The following GRID2 variants were observed in gnomAD, a reference collection of about 807,000 sequenced individuals.
GRID2 encodes the protein glutamate ionotropic receptor delta type subunit 2, also known as glutamate receptor ionotropic, delta-2.
In GRID2, 33 loss-of-function variants were observed where a neutral mutation model predicts 114.8. The ratio of observed to expected loss-of-function variants is 0.29; its 90% CI spans 0.22 to 0.38. The LOEUF is 0.38. Among genes scored for constraint, GRID2 ranks in the 10% least tolerant of loss-of-function variants. The pLI is 1.00. For synonymous variants in GRID2, 505 were observed against 449.9 expected (o/e 1.12, Z -1.55); for missense variants, 1,184 against 1,257.7 (o/e 0.94, Z 0.89).
intron 3 of GRID2, 40 bp downstream of exon 3, chr4:93,085,319 T>A: frequency 5.5e-6 from 8 of 1,454,934 alleles, no homozygotes; most frequent in Non-Finnish European, 7.7e-6. Context: ...TAAGCTGATA[T>A]TTGCATGAGA....
chr4:92,866,797 C>T (rs936363278), intron 2 of GRID2, among the ~76,000 whole-genome samples: 1 of 152,058 alleles, frequency 6.6e-6, no homozygotes, highest in African/African-American at 2.4e-5. Flanking sequence ...GTGATCCTCC[C>T]ACCTCGGCCT....
At chr4:93,224,146 T>C (rs1745209430) in intron 6 of GRID2, among the ~76,000 whole-genome samples, 1 of 152,166 alleles carries the variant, frequency 6.6e-6, no homozygotes, top group South Asian at 2.1e-4. Flanking sequence ...AGTAGACTAC[T>C]TCTTTTTTAG....
At chr4:93,136,871 AG>A (rs563874661) in intron 4 of GRID2, among the ~76,000 whole-genome samples, 45 of 152,136 alleles carry the variant, frequency 3.0e-4, no homozygotes, top group Non-Finnish European at 6.0e-4. Context: ...CAAATCTTAA[AG>A]GCAAGGTAAC....
At chr4:92,488,313 T>G (rs1722991578) in intron 1 of GRID2, among the ~76,000 whole-genome samples, 1 of 152,172 alleles carries the variant, frequency 6.6e-6, no homozygotes, top group Non-Finnish European at 1.5e-5. Flanking sequence ...ATCGAAGAGC[T>G]GAGATCACAA....
intron 2 of GRID2, among the ~76,000 whole-genome samples, chr4:92,692,461 C>T (rs1434696638): frequency 6.6e-6 from 1 of 152,132 alleles, no homozygotes; most frequent in Non-Finnish European, 1.5e-5. Context: ...TTTATATCCT[C>T]TGTATCATTT....
intron 2 of GRID2, among the ~76,000 whole-genome samples, chr4:93,016,506 A>G (rs1294293890): frequency 6.6e-6 from 1 of 152,174 alleles, no homozygotes; most frequent in Non-Finnish European, 1.5e-5. Context: ...GTTAGTCTTT[A>G]GAATCCATGT....
intron 1 of GRID2, among the ~76,000 whole-genome samples, chr4:92,515,496 T>C (rs1179713468): frequency 1.3e-5 from 2 of 151,902 alleles, no homozygotes; most frequent in Non-Finnish European, 2.9e-5. Context: ...GGATTTCAGC[T>C]CAGAAGAATC....
intron 1 of GRID2, among the ~76,000 whole-genome samples, chr4:92,430,342 C>T (rs2110339498): frequency 6.6e-6 from 1 of 152,176 alleles, no homozygotes; most frequent in African/African-American, 2.4e-5. Context: ...TTTCCCAGCA[C>T]CATTTATTGA....
chr4:93,176,642 T>C (rs1739369442), intron 4 of GRID2, among the ~76,000 whole-genome samples: 1 of 152,188 alleles, frequency 6.6e-6, no homozygotes, highest in Admixed American at 6.5e-5. Flanking sequence ...TGGTAAAATT[T>C]TCATTTAAAA....
chr4:92,364,266 GA>G (rs1474826010), intron 1 of GRID2, among the ~76,000 whole-genome samples: 1 of 151,996 alleles, frequency 6.6e-6, no homozygotes, highest in Non-Finnish European at 1.5e-5. Context: ...AAAGAACTAA[GA>G]AAGGAAGGGA....
intron 1 of GRID2, among the ~76,000 whole-genome samples, chr4:92,384,673 A>T (rs1318335815): frequency 5.4e-5 from 6 of 111,304 alleles, no homozygotes; most frequent in African/African-American, 2.1e-4. Context: ...ATATACATAT[A>T]TTATATATAT....
chr4:93,042,202 C>T (rs962349160), intron 2 of GRID2, among the ~76,000 whole-genome samples: 4 of 149,634 alleles, frequency 2.7e-5, no homozygotes, highest in Non-Finnish European at 4.4e-5. Flanking sequence ...TGCACCCGGC[C>T]GAAATATACA....
At chr4:93,027,183 G>T (rs1039668341) in intron 2 of GRID2, among the ~76,000 whole-genome samples, 1 of 151,868 alleles carries the variant, frequency 6.6e-6, no homozygotes, top group African/African-American at 2.4e-5. Context: ...GCTTCTCTTT[G>T]GCTGCTATTT....
At chr4:93,093,295 C>G (rs889178713) in intron 3 of GRID2, among the ~76,000 whole-genome samples, 1 of 151,944 alleles carries the variant, frequency 6.6e-6, no homozygotes, top group Non-Finnish European at 1.5e-5. Flanking sequence ...ATGGATGTAC[C>G]TGGTAGCCAT....
chr4:93,608,296 C>CTTTT (rs774334616), intron 13 of GRID2, among the ~76,000 whole-genome samples: 1 of 117,014 alleles, frequency 8.5e-6, no homozygotes, highest in Non-Finnish European at 1.7e-5. Flanking sequence ...ATTTTTTTTT[C>CTTTT]TTTTTTTTTT....
intron 2 of GRID2, among the ~76,000 whole-genome samples, chr4:92,728,442 C>A (rs191671040): frequency 1.2e-4 from 18 of 152,140 alleles, no homozygotes; most frequent in East Asian, 5.8e-4. Context: ...CTTGTAAGCT[C>A]GCTCAAGTGA....
chr4:93,472,849 C>G (rs1410837998), intron 11 of GRID2, among the ~76,000 whole-genome samples: 1 of 152,092 alleles, frequency 6.6e-6, no homozygotes, highest in Non-Finnish European at 1.5e-5. Context: ...GGTTATGAGA[C>G]TTGAAATAGA....
chr4:92,776,175 G>A, intron 2 of GRID2, among the ~76,000 whole-genome samples: 1 of 152,004 alleles, frequency 6.6e-6, no homozygotes, highest in East Asian at 1.9e-4. Context: ...TATGTTCAGT[G>A]CCATGTTTGA....
intron 1 of GRID2, among the ~76,000 whole-genome samples, chr4:92,318,308 A>ATAT (rs1235199870): frequency 4.6e-5 from 6 of 130,882 alleles, no homozygotes; most frequent in African/African-American, 1.5e-4. Context: ...ATATATATAT[A>ATAT]TTTTTTTTTT....
Sources: allele counts gnomAD v4.1 joint callset (sites outside exome capture counted in the v4.1 genomes callset), GRCh38; gene constraint gnomAD v4.1.1; transcripts MANE v1.5; gene names NCBI Gene and HGNC (gene_info 2026-07-23, HGNC 2026-07-21).